SNTG1: variants seen among roughly 807,000 people sequenced by gnomAD.
SNTG1 encodes the protein gamma-1-syntrophin.
SNTG1 carries 39 observed loss-of-function variants against 74.7 expected under a neutral mutation model. That is an observed-to-expected ratio of 0.52 (90% CI 0.40 to 0.68). The LOEUF (loss-of-function observed/expected upper bound fraction) is 0.68. Ranked by LOEUF, SNTG1 falls within the 30% of genes least tolerant of loss-of-function variation. The pLI, the probability that SNTG1 is intolerant of heterozygous loss-of-function variation, is 0.00. For missense variants in SNTG1, 685 were observed against 609.5 expected (o/e 1.12, Z -1.30); for synonymous variants, 254 against 217.1 (o/e 1.17, Z -1.49).
At chr8:50,203,726 T>C (rs1238271764) in intron 2 of SNTG1, among the ~76,000 whole-genome samples, 4 of 151,960 alleles carry the variant, frequency 2.6e-5, no homozygotes, top group African/African-American at 4.8e-5. Context: ...ATTATTGTCA[T>C]TGCTATGTGG....
chr8:50,475,568 C>G (rs1393927770), intron 8 of SNTG1, among the ~76,000 whole-genome samples: 1 of 152,054 alleles, frequency 6.6e-6, no homozygotes, highest in Non-Finnish European at 1.5e-5. Context: ...ATAGTAGATC[C>G]CAGTAAAATT....
At chr8:50,347,793 C>G (rs2091525773) in intron 2 of SNTG1, among the ~76,000 whole-genome samples, 1 of 152,148 alleles carries the variant, frequency 6.6e-6, no homozygotes, top group Admixed American at 6.5e-5. Flanking sequence ...ATGAGTCTTT[C>G]AAGGAACTTT....
chr8:50,145,763 T>C (rs1445973203), intron 1 of SNTG1, among the ~76,000 whole-genome samples: 1 of 152,152 alleles, frequency 6.6e-6, no homozygotes, highest in Non-Finnish European at 1.5e-5. Flanking sequence ...TTTATTTTTA[T>C]GTTCATCTAT....
At chr8:50,353,408 A>G (rs937967917) in intron 2 of SNTG1, among the ~76,000 whole-genome samples, 2 of 152,060 alleles carry the variant, frequency 1.3e-5, no homozygotes, top group African/African-American at 2.4e-5. Context: ...GTATAATAAT[A>G]AAAAAAAGAA....
chr8:50,387,516 A>C (rs1563317584), intron 2 of SNTG1, among the ~76,000 whole-genome samples: 1 of 152,062 alleles, frequency 6.6e-6, no homozygotes, highest in African/African-American at 2.4e-5. Flanking sequence ...GTCCATGTTT[A>C]AACCCAAGTC....
rs1563370596 is a variant in SNTG1, at chr8:49,938,557, G to GTTTTCTTTTCTTTTGTTTTC, written c.-103+26340_-103+26341insGTTTTCTTTTCTTTTCTTTT. Among the ~76,000 whole-genome samples the GTTTTCTTTTCTTTTGTTTTC allele has an allele frequency of 7.7e-4, 98 of 127,206 alleles. 2 individuals are homozygous for GTTTTCTTTTCTTTTGTTTTC. The highest frequency in any genetic ancestry group is 4.2e-3 in the Middle Eastern group (1 of 236). The allele number at this position is 127,206 out of a possible 152,430, so 83.5% of individuals were successfully genotyped here. On this transcript the variant is annotated intron_variant, in intron 1 of 18. Coordinates refer to ENST00000642720, the MANE Select transcript of SNTG1 (RefSeq NM_018967.5). ...ATCTTACCATGCCTTCTTTTCTTTTGTTTTCTTTTCTTTTCTTTTCTTTTC... is the reference window on the plus strand; with the variant it reads ...ATCTTACCATGCCTTCTTTTCTTTTGTTTTCTTTTCTTTTGTTTTCTTTTCTTTTCTTTTCTTTTCTTTTC...
intron 2 of SNTG1, among the ~76,000 whole-genome samples, chr8:50,202,869 G>T (rs1180860379): frequency 6.7e-6 from 1 of 149,724 alleles, no homozygotes; most frequent in East Asian, 2.0e-4. Context: ...TATTTATACT[G>T]CTCTGTGTTC....
At chr8:50,061,053 T>C (rs1471377631) in intron 1 of SNTG1, among the ~76,000 whole-genome samples, 1 of 152,186 alleles carries the variant, frequency 6.6e-6, no homozygotes, top group Non-Finnish European at 1.5e-5. Flanking sequence ...ACCTGGGTAC[T>C]GGCCTTAAAA....
chr8:50,295,001 C>G (rs544394185), intron 2 of SNTG1, among the ~76,000 whole-genome samples: 1 of 152,090 alleles, frequency 6.6e-6, no homozygotes, highest in Non-Finnish European at 1.5e-5. Context: ...GCTGAAGTCA[C>G]CAGATCAGTT....
chr8:50,430,300 T>C (rs73581359), intron 4 of SNTG1, among the ~76,000 whole-genome samples: 4,227 of 152,224 alleles, frequency 0.028, 189 homozygotes, highest in African/African-American at 0.095. Flanking sequence ...CACATATCTA[T>C]AAATATTTTT....
chr8:50,022,752 T>C (rs916809252), intron 1 of SNTG1, among the ~76,000 whole-genome samples: 5 of 152,178 alleles, frequency 3.3e-5, no homozygotes, highest in African/African-American at 1.2e-4. Flanking sequence ...ATAGTGTCCA[T>C]GTTGCCTCTG....
chr8:50,016,905 A>G (rs1039892114), intron 1 of SNTG1, among the ~76,000 whole-genome samples: 1 of 152,156 alleles, frequency 6.6e-6, no homozygotes, highest in Non-Finnish European at 1.5e-5. Context: ...AACTGACTTC[A>G]CGTCAGAAAC....
chr8:50,038,577 T>A (rs1231592118), intron 1 of SNTG1, among the ~76,000 whole-genome samples: 4 of 152,162 alleles, frequency 2.6e-5, no homozygotes, highest in Non-Finnish European at 5.9e-5. Context: ...TTTCTTTCCA[T>A]CAATGAATTT....
chr8:50,191,785 A>C (rs1278675534), intron 2 of SNTG1, among the ~76,000 whole-genome samples: 2 of 151,972 alleles, frequency 1.3e-5, no homozygotes, highest in Non-Finnish European at 2.9e-5. Flanking sequence ...TATCCATGCA[A>C]GGAACGTGTT....
At chr8:50,450,477 C>G in intron 6 of SNTG1, 79 bp from the exon 7 acceptor site, 1 of 1,428,770 alleles carries the variant, frequency 7.0e-7, no homozygotes, top group Non-Finnish European at 9.7e-7. Flanking sequence ...GTAAATTTTA[C>G]CTTTATTTAA....
chr8:50,458,179 C>T (rs2093525230), intron 8 of SNTG1: 1 of 134,226 alleles, frequency 7.5e-6, no homozygotes, highest in Non-Finnish European at 1.6e-5. Flanking sequence ...TCAACCACAT[C>T]AAAGGCAGAA....
At chr8:50,443,244 C>A (rs867401255) in intron 5 of SNTG1, among the ~76,000 whole-genome samples, 11 of 152,074 alleles carry the variant, frequency 7.2e-5, no homozygotes, top group Non-Finnish European at 1.5e-4. Context: ...TCTAGCTGCA[C>A]ATTATTAAAT....
Position 50,760,770 on chromosome 8 carries a change from G to A in SNTG1, c.1395+8659G>A, listed in dbSNP as rs192273387. ...CTCTATGCAAATAAAATAGAAAATC[G>A]AGAAGAGATGGATGAATTCCTGGAC... On this transcript the variant is annotated intron_variant, in intron 18 of 18. Coordinates refer to ENST00000642720, the MANE Select transcript of SNTG1 (RefSeq NM_018967.5). 9.6e-4 allele frequency among the ~76,000 whole-genome samples: 146 copies of A among 151,958 alleles called. 2 individuals carry two copies. Among genetic ancestry groups the A allele is most frequent in the Middle Eastern group, 6.8e-3 (2 of 294 alleles).
chr8:50,525,274 T>C (rs553935749), intron 9 of SNTG1, among the ~76,000 whole-genome samples: 3 of 152,274 alleles, frequency 2.0e-5, no homozygotes, highest in African/African-American at 4.8e-5. Flanking sequence ...ACCTGCAAAA[T>C]TGCATTTTTT....
Sources: gnomAD v4.1 joint callset for allele counts (sites outside exome capture counted in the v4.1 genomes callset) on GRCh38, gnomAD v4.1.1 for gene constraint, MANE v1.5 for transcripts, NCBI Gene and HGNC (gene_info 2026-07-23, HGNC 2026-07-21) for gene names.